IST1: variants seen among roughly 807,000 people sequenced by gnomAD.
The protein encoded by IST1 is IST1 homolog.
IST1 carries 23 observed loss-of-function variants against 37.0 expected under a neutral mutation model. That is an observed-to-expected ratio of 0.62 (90% CI 0.45 to 0.88). IST1 has a LOEUF of 0.88. IST1 is among the 40% of genes least tolerant of loss of function. The pLI is 0.00. For missense variants in IST1, 488 were observed against 445.4 expected, an observed-to-expected ratio of 1.10 and a Z score of -0.86; for synonymous variants, 180 against 161.7, an observed-to-expected ratio of 1.11 and a Z score of -0.86.
chr16:71,930,211 T>C lies in IST1; in HGVS notation c.*2398T>C. On this transcript the variant is annotated 3_prime_UTR_variant, in exon 10 of 10. Transcript: ENST00000378799. ...GGGAAAACAATAAGAACACTTGCAG[T>C]GACTGACAATTTAGTTTATACTTTA... 1.3e-6 allele frequency: 2 copies of C among 1,519,702 alleles called. No individual in the cohort carries two copies. Among genetic ancestry groups the C allele is most frequent in the East Asian group, 4.9e-5 (2 of 40,602 alleles). 94.1% of individuals were successfully genotyped at this position (1,519,702 alleles called of 1,614,324 possible).
At chr16:71,900,841 CTG>C (rs1200775457) in intron 1 of IST1, among the ~76,000 whole-genome samples, 3 of 152,124 alleles carry the variant, frequency 2.0e-5, no homozygotes, top group African/African-American at 4.8e-5. Flanking sequence ...ATTTGAATGT[CTG>C]TTGTAGACAG....
At chr16:71,896,212 C>T (rs1045461604) in intron 1 of IST1, among the ~76,000 whole-genome samples, 2 of 152,080 alleles carry the variant, frequency 1.3e-5, no homozygotes, top group African/African-American at 2.4e-5. Context: ...CCTTGCGCCT[C>T]TCCTCTTTGT....
At chr16:71,898,279 A>G (rs865831698) in intron 1 of IST1, among the ~76,000 whole-genome samples, 53 of 150,296 alleles carry the variant, frequency 3.5e-4, no homozygotes, top group African/African-American at 1.1e-3. Context: ...TGGGAGGCCA[A>G]GGCAGGGGAA....
In IST1 at chr16:71,924,891, C is replaced by G; in HGVS notation, c.901+74C>G. 3 of 1,039,768 alleles carry G rather than the reference C, an allele frequency of 2.9e-6. No individual in the cohort carries two copies. In the South Asian group the frequency reaches 3.8e-5, roughly 13 times the overall value. The allele number at this position is 1,039,768 out of a possible 1,614,324, so 64.4% of individuals were successfully genotyped here. ...GCTGTTTTCTCATTATTGTTCCTCC[C>G]TTAGAGACTGTTTCCATGTCCATGG... is the stretch of plus-strand genomic sequence containing the variant. On this transcript the variant is annotated intron_variant, in intron 9 of 9. Coordinates refer to ENST00000378799, the MANE Select transcript of IST1 (RefSeq NM_001270975.2).
At chr16:71,903,790 TGTAA>T (rs956905428) in intron 1 of IST1, 8 of 152,394 alleles carry the variant, frequency 5.2e-5, no homozygotes, top group African/African-American at 1.7e-4. Flanking sequence ...TGTAATGTTC[TGTAA>T]GTGTCAGTGA....
At chr16:71,896,595 C>T (rs191164688) in intron 1 of IST1, among the ~76,000 whole-genome samples, 9 of 152,094 alleles carry the variant, frequency 5.9e-5, no homozygotes, top group African/African-American at 2.2e-4. Flanking sequence ...CCAGTAGAAG[C>T]CTTTTGGCTT....
chr16:71,927,901 T>G lies in IST1; in HGVS notation c.*88T>G, dbSNP rs1201324483. ...CAAAGAATCTCCATGAAATTCTGTT[T>G]CATCTGTTAACCGTCACTCAGCACA... On this transcript the variant is annotated 3_prime_UTR_variant, in exon 10 of 10. Coordinates refer to ENST00000378799, the MANE Select transcript of IST1 (RefSeq NM_001270975.2). The G allele has an allele frequency of 9.4e-6, 9 of 958,104 alleles. No homozygotes were observed. Among genetic ancestry groups the G allele is most frequent in the East Asian group, 2.4e-5 (1 of 41,894 alleles). 59.4% of individuals were successfully genotyped at this position (958,104 alleles called of 1,614,324 possible).
chr16:71,904,979 G>C (rs1239296591), intron 1 of IST1, among the ~76,000 whole-genome samples: 1 of 151,708 alleles, frequency 6.6e-6, no homozygotes, highest in Non-Finnish European at 1.5e-5. Context: ...TGAGCTATTT[G>C]AACATATTTT....
At chr16:71,911,971 T>G (rs1313335186) in intron 1 of IST1, among the ~76,000 whole-genome samples, 1 of 151,808 alleles carries the variant, frequency 6.6e-6, no homozygotes, top group African/African-American at 2.4e-5. Context: ...TCCCAAAGTG[T>G]TGGGATTACA....
At chr16:71,915,332 T>C (rs1226130306) in intron 1 of IST1, among the ~76,000 whole-genome samples, 1 of 152,156 alleles carries the variant, frequency 6.6e-6, no homozygotes, top group Non-Finnish European at 1.5e-5. Context: ...TTAAAGTAGA[T>C]TTCAAATCCA....
rs552660689 is a variant in IST1 at position 71,920,351 on chromosome 16, G to C, written c.358-388G>C. Among the ~76,000 whole-genome samples the C allele has an allele frequency of 3.5e-4, 54 of 152,306 alleles. 1 individual carries two copies. Among genetic ancestry groups the C allele is most frequent in the African/African-American group, 1.3e-3 (54 of 41,570 alleles). On this transcript the variant is annotated intron_variant, in intron 4 of 9. Coordinates refer to ENST00000378799, the MANE Select transcript of IST1 (RefSeq NM_001270975.2). ...CAAAGAGTTATTAGCACAAAGCAAG[G>C]AGGCTTGAAGGAAGTTAGTCTTTTA...
intron 1 of IST1, among the ~76,000 whole-genome samples, chr16:71,914,767 G>T (rs1017533718): frequency 6.6e-6 from 1 of 152,078 alleles, no homozygotes; most frequent in Admixed American, 6.6e-5. Flanking sequence ...TGATTTGTCT[G>T]TTCTTCAGTT....
intron 5 of IST1, chr16:71,921,085 A>G (rs550236382): frequency 1.7e-6 from 1 of 600,028 alleles, no homozygotes; most frequent in Non-Finnish European, 3.0e-6. Context: ...AGGTGGGGAG[A>G]AGGGTGGATG....
At position 71,920,777 on chromosome 16, in the gene IST1, T is replaced by C. The variant is rs2037561584; in HGVS notation, c.396T>C (p.Tyr132=). ...TCTGTGCCAAGTATAGCAAGGAATATGGCAAGCTATGTAGGACCAACCAGA... is the reference window on the plus strand; with the variant it reads ...TCTGTGCCAAGTATAGCAAGGAATACGGCAAGCTATGTAGGACCAACCAGA... ...DQLCAKYSKE[Y]GKLCRTNQIG... is the part of the protein sequence containing the mutation. The change falls in exon 5 of 10, where the codon TAT becomes TAC. Residue 132 remains tyrosine (Y), a synonymous_variant. Coordinates refer to ENST00000378799, the MANE Select transcript of IST1 (RefSeq NM_001270975.2). 1.2e-6 allele frequency: 2 copies of C among 1,613,956 alleles called. No homozygotes were observed. Among genetic ancestry groups the C allele is most frequent in the Non-Finnish European group, 1.7e-6 (2 of 1,179,896 alleles).
intron 1 of IST1, among the ~76,000 whole-genome samples, chr16:71,904,441 C>A (rs1349442823): frequency 6.6e-6 from 1 of 152,204 alleles, no homozygotes; most frequent in Non-Finnish European, 1.5e-5. Flanking sequence ...GAGACAGGAT[C>A]TTGCTCTGTT....
In IST1 at chr16:71,922,601, C is replaced by G; in HGVS notation, c.680C>G (p.Thr227Arg). Residue 227 changes from threonine (T) to arginine (R), a missense_variant, in exon 7 of 10, where the codon ACG becomes AGG. Around this residue, in one of 2 missense-constraint regions of IST1, gnomAD observed 455 missense variants for 386.2 expected, o/e 1.18. Coordinates refer to ENST00000378799, the MANE Select transcript of IST1 (RefSeq NM_001270975.2). The stretch of plus-strand genomic sequence containing the variant: ...GCACCAGTTGGTGGACCTGATGGAA[C>G]GGTGCCAATGCCCATGCCCATGCCC... Reference protein sequence around the residue: ...FTAPVGGPDGTVPMPMPMPMP... With the variant: ...FTAPVGGPDGRVPMPMPMPMP... The G allele has an allele frequency of 1.2e-6, 2 of 1,601,510 alleles. No homozygotes were observed. Among genetic ancestry groups the G allele is most frequent in the East Asian group, 2.2e-5 (1 of 44,608 alleles).
At position 71,920,839 on chromosome 16, in the gene IST1, G is replaced by GTA; in HGVS notation, c.441+18_441+19dup. 1 of 1,578,074 alleles carries GTA rather than the reference G, an allele frequency of 6.3e-7. No homozygotes were observed. The highest frequency in any genetic ancestry group is 1.7e-5 in the Admixed American group (1 of 59,988). On this transcript the variant is annotated intron_variant, in intron 5 of 9. Transcript: ENST00000378799. ...AATGACAGGGTAATGAACATACTTG[G>GTA]TAAACATGAAGGCAGTGTGTGGGAG...
intron 4 of IST1, among the ~76,000 whole-genome samples, chr16:71,919,361 TC>T (rs1167159494): frequency 6.6e-6 from 1 of 152,196 alleles, no homozygotes; most frequent in East Asian, 1.9e-4. Context: ...TGTGCTTCCT[TC>T]CCTATTTAGT....
chr16:71,908,243 G>A (rs910564927), intron 1 of IST1, among the ~76,000 whole-genome samples: 2 of 143,800 alleles, frequency 1.4e-5, no homozygotes, highest in Non-Finnish European at 3.0e-5. Context: ...CGCCTGGCCT[G>A]TCTTTACTTT....
Sources: gnomAD v4.1 joint callset for allele counts (sites outside exome capture counted in the v4.1 genomes callset) on GRCh38, gnomAD v4.1.1 for gene constraint, gnomAD v4.1.1 regional missense constraint, MANE v1.5 for transcripts, NCBI Gene and HGNC (gene_info 2026-07-23, HGNC 2026-07-21) for gene names.